The following XKR9 variants were observed in gnomAD, a reference collection of about 807,000 sequenced individuals.
XKR9 encodes XK related 9.
Under a neutral mutation model 32.0 loss-of-function variants are expected in XKR9, and 32 were observed. That is an observed-to-expected ratio of 1.00 (90% confidence interval 0.76 to 1.34). XKR9 has a LOEUF of 1.34. Among genes scored for constraint, XKR9 ranks in the 40% most tolerant of loss-of-function variants. The probability of loss-of-function intolerance (pLI) is 0.00; values close to 1 mark genes in which losing one functional copy is unlikely to be tolerated. For synonymous variants in XKR9, 168 were observed against 143.4 expected, an observed-to-expected ratio of 1.17 and a Z score of -1.22; for missense variants, 546 against 429.7, an observed-to-expected ratio of 1.27 and a Z score of -2.39.
chr8:70,813,857 A>C, the XKR9 span, among the ~76,000 whole-genome samples: 4 of 152,224 alleles, frequency 2.6e-5, no homozygotes, highest in Non-Finnish European at 4.4e-5. Flanking sequence ...TTTGTAAACT[A>C]GTTCAACCAT....
At chr8:70,951,774 G>A in the XKR9 span, among the ~76,000 whole-genome samples, 1 of 151,932 alleles carries the variant, frequency 6.6e-6, no homozygotes, top group Non-Finnish European at 1.5e-5. Flanking sequence ...TGGACCTACA[G>A]TTATAAACCC....
the XKR9 span, among the ~76,000 whole-genome samples, chr8:70,981,602 G>T: frequency 2.0e-5 from 3 of 152,202 alleles, no homozygotes; most frequent in South Asian, 6.2e-4. Context: ...GTGCCTCGCT[G>T]ATTAGCTTAA....
At chr8:70,693,032 CA>C (rs1353573007) in intron 3 of XKR9, among the ~76,000 whole-genome samples, 1 of 152,132 alleles carries the variant, frequency 6.6e-6, no homozygotes, top group African/African-American at 2.4e-5. Context: ...TGTGATGAAT[CA>C]CATTTATTGG....
At chr8:70,687,753 G>A (rs1006162284) in intron 3 of XKR9, among the ~76,000 whole-genome samples, 3 of 152,074 alleles carry the variant, frequency 2.0e-5, no homozygotes, top group Admixed American at 2.0e-4. Context: ...AAATATTTGG[G>A]TCTTTTGTAG....
intron 2 of XKR9, among the ~76,000 whole-genome samples, chr8:70,758,068 A>G (rs1563470663): frequency 6.6e-6 from 1 of 151,628 alleles, no homozygotes; most frequent in Non-Finnish European, 1.5e-5. Flanking sequence ...TAATATGACT[A>G]CTCTGGGCAC....
chr8:70,855,943 C>A, the XKR9 span, among the ~76,000 whole-genome samples: 1 of 152,052 alleles, frequency 6.6e-6, no homozygotes, highest in African/African-American at 2.4e-5. Flanking sequence ...ATTTTGTCAC[C>A]ACCAGGCCTG....
At chr8:70,985,676 T>C in the XKR9 span, among the ~76,000 whole-genome samples, 6 of 152,300 alleles carry the variant, frequency 3.9e-5, no homozygotes, top group South Asian at 1.2e-3. Context: ...TTCTTCCTTT[T>C]TCACCCTCCT....
the XKR9 span, among the ~76,000 whole-genome samples, chr8:70,907,148 G>T: frequency 6.6e-6 from 1 of 152,010 alleles, no homozygotes; most frequent in Non-Finnish European, 1.5e-5. Context: ...ATATATTTTA[G>T]TCACCATTTC....
chr8:70,748,033 T>C (rs1178469913), intron 2 of XKR9, among the ~76,000 whole-genome samples: 1 of 152,244 alleles, frequency 6.6e-6, no homozygotes, highest in Non-Finnish European at 1.5e-5. Context: ...TTGAACTTGA[T>C]TTTGATGTTG....
At chr8:70,869,926 C>T in the XKR9 span, among the ~76,000 whole-genome samples, 7 of 152,320 alleles carry the variant, frequency 4.6e-5, no homozygotes, top group East Asian at 1.3e-3. Context: ...AGTCACATAA[C>T]TTCACTGAGC....
chr8:70,870,533 G>C, the XKR9 span, among the ~76,000 whole-genome samples: 1 of 152,160 alleles, frequency 6.6e-6, no homozygotes, highest in Non-Finnish European at 1.5e-5. Flanking sequence ...CTGATATGTG[G>C]TCTCATAAAG....
chr8:71,025,512 G>T, the XKR9 span, among the ~76,000 whole-genome samples: 2 of 152,130 alleles, frequency 1.3e-5, no homozygotes, highest in South Asian at 4.1e-4. Flanking sequence ...TATTGTCTGT[G>T]CAATAAAACG....
At chr8:70,882,717 T>G in the XKR9 span, among the ~76,000 whole-genome samples, 1 of 152,108 alleles carries the variant, frequency 6.6e-6, no homozygotes, top group African/African-American at 2.4e-5. Context: ...ATTAACATAG[T>G]GCACTAGTGT....
At chr8:70,983,199 A>G in the XKR9 span, among the ~76,000 whole-genome samples, 1 of 152,170 alleles carries the variant, frequency 6.6e-6, no homozygotes, top group Non-Finnish European at 1.5e-5. Flanking sequence ...GACTTGGTAA[A>G]TAGCATTCTT....
chr8:70,670,999 C>G (rs773634668), intron 1 of XKR9, among the ~76,000 whole-genome samples: 2 of 152,108 alleles, frequency 1.3e-5, no homozygotes, highest in Non-Finnish European at 2.9e-5. Context: ...CTGGGCACTC[C>G]CCTTCTTTTA....
chr8:70,833,241 G>A, the XKR9 span, among the ~76,000 whole-genome samples: 4 of 152,106 alleles, frequency 2.6e-5, no homozygotes, highest in Admixed American at 2.0e-4. Context: ...GTCAGCTGTG[G>A]TTTCTCAGAA....
At chr8:70,892,946 T>C in the XKR9 span, among the ~76,000 whole-genome samples, 3 of 152,178 alleles carry the variant, frequency 2.0e-5, no homozygotes, top group African/African-American at 7.2e-5. Context: ...TTTTTCTTTA[T>C]CTTCTCCTTC....
At chr8:71,030,808 C>T in the XKR9 span, among the ~76,000 whole-genome samples, 1 of 152,122 alleles carries the variant, frequency 6.6e-6, no homozygotes, top group Non-Finnish European at 1.5e-5. Context: ...CTCATTATAA[C>T]ATTGTCTTTG....
the XKR9 span, among the ~76,000 whole-genome samples, chr8:70,833,011 C>T: frequency 6.6e-6 from 1 of 152,042 alleles, no homozygotes; most frequent in East Asian, 1.9e-4. Context: ...CCAGTCTAAC[C>T]CCAGAACTAT....
Sources: allele counts gnomAD v4.1 joint callset (sites outside exome capture counted in the v4.1 genomes callset), GRCh38; gene constraint gnomAD v4.1.1; transcripts MANE v1.5; gene names NCBI Gene and HGNC (gene_info 2026-07-23, HGNC 2026-07-21).